EFHC1: variants seen among roughly 807,000 people sequenced by gnomAD.
The protein encoded by EFHC1 is EF-hand domain-containing protein 1.
Under a neutral mutation model 69.9 loss-of-function variants are expected in EFHC1, and 53 were observed. The ratio of observed to expected loss-of-function variants is 0.76; its 90% CI spans 0.61 to 0.95. EFHC1 has a LOEUF of 0.95. Among genes scored for constraint, EFHC1 ranks in the 40% least tolerant of loss-of-function variants. The pLI, the probability that EFHC1 is intolerant of heterozygous loss-of-function variation, is 0.00. For synonymous variants in EFHC1, 256 were observed against 278.4 expected, an observed-to-expected ratio of 0.92 and a Z score of 0.80; for missense variants, 739 against 798.7, an observed-to-expected ratio of 0.93 and a Z score of 0.90.
At chr6:52,443,797 T>C (rs1182540033) in intron 3 of EFHC1, among the ~76,000 whole-genome samples, 1 of 152,240 alleles carries the variant, frequency 6.6e-6, no homozygotes, top group Non-Finnish European at 1.5e-5. Flanking sequence ...ATATGAACTT[T>C]AAAGTAATTT....
intron 3 of EFHC1, among the ~76,000 whole-genome samples, chr6:52,444,018 G>T (rs1470764563): frequency 2.6e-5 from 4 of 152,112 alleles, no homozygotes; most frequent in Non-Finnish European, 5.9e-5. Context: ...CTTGTAAGTT[G>T]GATTCCTAGG....
At chr6:52,461,012 C>A (rs7747651) in intron 5 of EFHC1, among the ~76,000 whole-genome samples, 61,556 of 151,974 alleles carry the variant, frequency 0.41, 12,935 homozygotes, top group African/African-American at 0.51. Flanking sequence ...GTAGAACTGA[C>A]ATGTATTACA....
At chr6:52,421,701 G>T (rs1238184296) in intron 1 of EFHC1, among the ~76,000 whole-genome samples, 1 of 152,240 alleles carries the variant, frequency 6.6e-6, no homozygotes, top group Non-Finnish European at 1.5e-5. Context: ...TTTGGTGAGA[G>T]AATTTGTATT....
At chr6:52,482,496 C>T (rs1013319750) in intron 9 of EFHC1, 3 of 290,866 alleles carry the variant, frequency 1.0e-5, no homozygotes, top group African/African-American at 6.5e-5. Context: ...TTTATAAAAA[C>T]TTTATCAAAA....
At chr6:52,458,436 A>C (rs1303603817) in intron 5 of EFHC1, among the ~76,000 whole-genome samples, 5 of 152,260 alleles carry the variant, frequency 3.3e-5, no homozygotes, top group Non-Finnish European at 7.3e-5. Context: ...AGAATCTATA[A>C]GGAACTTAAA....
intron 2 of EFHC1, 93 bp downstream of exon 2, chr6:52,424,260 A>G: frequency 1.6e-6 from 2 of 1,239,456 alleles, no homozygotes; most frequent in Admixed American, 2.0e-5. Flanking sequence ...AGAATTTCCA[A>G]AGGGCTCTGA....
chr6:52,491,633 T>TA (rs529211474), intron 10 of EFHC1, among the ~76,000 whole-genome samples: 148 of 152,362 alleles, frequency 9.7e-4, no homozygotes, highest in Non-Finnish European at 1.5e-3. Context: ...TTACTACTGT[T>TA]ACTACTTGAG....
At chr6:52,448,681 C>T (rs628471) in intron 3 of EFHC1, among the ~76,000 whole-genome samples, 61,547 of 151,978 alleles carry the variant, frequency 0.4, 12,944 homozygotes, top group African/African-American at 0.51. Flanking sequence ...TTCGGCCATC[C>T]TGGAACCTCT....
chr6:52,439,252 TA>T (rs2113980340), intron 3 of EFHC1, among the ~76,000 whole-genome samples: 1 of 152,238 alleles, frequency 6.6e-6, no homozygotes, highest in Admixed American at 6.5e-5. Context: ...TTGTCTTAGT[TA>T]AAAAAATATT....
At chr6:52,450,565 C>A (rs1187828389) in intron 3 of EFHC1, among the ~76,000 whole-genome samples, 1 of 152,038 alleles carries the variant, frequency 6.6e-6, no homozygotes, top group Non-Finnish European at 1.5e-5. Flanking sequence ...CAGTGCCCTT[C>A]TTTGTCTTTT....
At chr6:52,468,767 A>G (rs1765369106) in intron 6 of EFHC1, 1 of 157,994 alleles carries the variant, frequency 6.3e-6, no homozygotes, top group Non-Finnish European at 1.4e-5. Flanking sequence ...AAATTAGGTC[A>G]TTTTCCATCT....
intron 3 of EFHC1, among the ~76,000 whole-genome samples, chr6:52,443,668 C>T (rs1400658317): frequency 6.6e-6 from 1 of 152,180 alleles, no homozygotes; most frequent in Admixed American, 6.5e-5. Context: ...GGTACCAGTA[C>T]CATGTTGTTT....
At chr6:52,461,044 A>T (rs1249732108) in intron 5 of EFHC1, among the ~76,000 whole-genome samples, 2 of 152,194 alleles carry the variant, frequency 1.3e-5, no homozygotes, top group Non-Finnish European at 2.9e-5. Context: ...AGAAAGGGTG[A>T]TAGGATTAAA....
intron 9 of EFHC1, among the ~76,000 whole-genome samples, chr6:52,489,740 A>C (rs1765856889): frequency 6.6e-6 from 1 of 152,236 alleles, no homozygotes; most frequent in Non-Finnish European, 1.5e-5. Flanking sequence ...ATATATTTAT[A>C]TCTATCATCT....
chr6:52,479,821 A>C (rs1765636305), intron 9 of EFHC1, 34 bp downstream of exon 9: 1 of 1,612,278 alleles, frequency 6.2e-7, no homozygotes, highest in Non-Finnish European at 8.5e-7. Context: ...TGGCACACTC[A>C]AGATATTCAG....
intron 4 of EFHC1, chr6:52,453,467 G>C: frequency 1.6e-6 from 2 of 1,287,076 alleles, no homozygotes; most frequent in South Asian, 1.2e-5. Context: ...CTTCTTTGCT[G>C]CTCCTTTTCT....
chr6:52,457,135 T>C (rs1765062264), intron 5 of EFHC1, among the ~76,000 whole-genome samples: 1 of 152,214 alleles, frequency 6.6e-6, no homozygotes. Flanking sequence ...GAGGACAAAA[T>C]GTAACTCCCA....
intron 2 of EFHC1, among the ~76,000 whole-genome samples, chr6:52,435,471 G>A (rs1486999193): frequency 2.0e-5 from 3 of 152,106 alleles, no homozygotes; most frequent in Admixed American, 2.0e-4. Context: ...CTCACCATCT[G>A]CCATACCCAA....
intron 7 of EFHC1, among the ~76,000 whole-genome samples, chr6:52,475,734 C>T (rs775196759): frequency 2.6e-5 from 4 of 152,060 alleles, no homozygotes; most frequent in Non-Finnish European, 5.9e-5. Flanking sequence ...TTAATTCATT[C>T]AACAAATATT....
Sources: gnomAD v4.1 joint callset for allele counts (sites outside exome capture counted in the v4.1 genomes callset) on GRCh38, gnomAD v4.1.1 for gene constraint, MANE v1.5 for transcripts, NCBI Gene and HGNC (gene_info 2026-07-23, HGNC 2026-07-21) for gene names.